The following NCALD variants were observed in gnomAD, a reference collection of about 807,000 sequenced individuals.
The protein encoded by NCALD is neurocalcin delta.
Under a neutral mutation model 18.6 loss-of-function variants are expected in NCALD, and 10 were observed. The observed-to-expected ratio is 0.54, with a 90% CI of 0.33 to 0.91. NCALD has a LOEUF of 0.91. Ranked by LOEUF, NCALD falls within the 40% of genes least tolerant of loss-of-function variation. The probability of loss-of-function intolerance (pLI) is 0.03; values close to 1 mark genes in which losing one functional copy is unlikely to be tolerated. For synonymous variants in NCALD, 88 were observed against 87.4 expected, an observed-to-expected ratio of 1.01 and a Z score of -0.04; for missense variants, 184 against 247.6, an observed-to-expected ratio of 0.74 and a Z score of 1.72.
At position 101,998,437 on chromosome 8, in the gene NCALD, C is replaced by A. The variant is rs181710424; in HGVS notation, c.-157+21800G>T. On this transcript the variant is annotated intron_variant, in intron 2 of 6. Coordinates refer to the NCALD transcript ENST00000311028. ...CCCAAAGTTATCTACACTGCCATGACCCCTGGCTTCTGTTAGGTTTGATGA... is the reference window on the plus strand; with the variant it reads ...CCCAAAGTTATCTACACTGCCATGAACCCTGGCTTCTGTTAGGTTTGATGA... 2.3e-3 allele frequency among the ~76,000 whole-genome samples: 346 copies of A among 152,234 alleles called. 2 individuals carry two copies. The highest frequency in any genetic ancestry group is 7.8e-3 in the African/African-American group (326 of 41,532).
chr8:102,000,246 G>A (rs61649336), intron 2 of NCALD, among the ~76,000 whole-genome samples: 4 of 152,352 alleles, frequency 2.6e-5, no homozygotes, highest in African/African-American at 9.6e-5. Flanking sequence ...CTGGCTCAGA[G>A]GGTCCTACAC....
In NCALD at chr8:101,741,151, C is replaced by G. The variant is rs149725366; in HGVS notation, c.-19-21503G>C. On this transcript the variant is annotated intron_variant, in intron 1 of 3. Coordinates refer to ENST00000220931, the MANE Select transcript of NCALD (RefSeq NM_032041.3). The stretch of plus-strand genomic sequence containing the variant: ...GGCCAGGCCAAGGAGAGGAGGCACC[C>G]GGAATTCTGCATCCTGTATCCCTGT... Among the ~76,000 whole-genome samples, 856 of 152,298 alleles carry G rather than the reference C, an allele frequency of 5.6e-3. 12 individuals are homozygous for G. Among genetic ancestry groups the G allele is most frequent in the African/African-American group, 0.018 (751 of 41,578 alleles).
chr8:101,704,948 G>A (rs941200289), intron 2 of NCALD, among the ~76,000 whole-genome samples: 4 of 151,414 alleles, frequency 2.6e-5, no homozygotes, highest in Admixed American at 6.6e-5. Flanking sequence ...AAAATAGGCC[G>A]GGCGCGGTGG....
intron 2 of NCALD, among the ~76,000 whole-genome samples, chr8:101,930,114 GTAT>G (rs1354453741): frequency 6.6e-6 from 1 of 151,910 alleles, no homozygotes; most frequent in African/African-American, 2.4e-5. Context: ...ACAAATATGA[GTAT>G]TTTTTAAAAT....
chr8:102,116,175 T>G (rs1454116903), intron 1 of NCALD, among the ~76,000 whole-genome samples: 1 of 152,062 alleles, frequency 6.6e-6, no homozygotes, highest in Non-Finnish European at 1.5e-5. Flanking sequence ...AGTTAATGGG[T>G]GCAGCACAGC....
At chr8:101,713,665 A>G (rs1289499039) in intron 2 of NCALD, among the ~76,000 whole-genome samples, 1 of 152,192 alleles carries the variant, frequency 6.6e-6, no homozygotes, top group Non-Finnish European at 1.5e-5. Flanking sequence ...CTACACAAAT[A>G]AACTAAAAAA....
intron 2 of NCALD, among the ~76,000 whole-genome samples, chr8:101,991,346 A>C (rs1189106899): frequency 6.6e-6 from 1 of 152,194 alleles, no homozygotes; most frequent in Non-Finnish European, 1.5e-5. Context: ...CCCTTAGAGC[A>C]GCAAGCAGGA....
chr8:102,022,229 G>A (rs929543774), intron 1 of NCALD, among the ~76,000 whole-genome samples: 1 of 152,092 alleles, frequency 6.6e-6, no homozygotes, highest in African/African-American at 2.4e-5. Flanking sequence ...GGGGGAGGGT[G>A]GGTCTGAAAG....
At chr8:101,690,354 G>C (rs1234403098) in intron 3 of NCALD, 1 of 982,574 alleles carries the variant, frequency 1.0e-6, no homozygotes, top group East Asian at 1.1e-4. Context: ...TCTCCGCCCA[G>C]CTTTGCCCTC....
chr8:102,070,312 G>T (rs1295156379), intron 1 of NCALD, among the ~76,000 whole-genome samples: 1 of 152,134 alleles, frequency 6.6e-6, no homozygotes, highest in Middle Eastern at 3.4e-3. Flanking sequence ...CATATATAAA[G>T]TATTTGAAAA....
intron 4 of NCALD, among the ~76,000 whole-genome samples, chr8:101,840,535 T>C (rs1467081183): frequency 6.6e-6 from 1 of 152,212 alleles, no homozygotes; most frequent in Non-Finnish European, 1.5e-5. Flanking sequence ...TCAAACATGA[T>C]GAAACTGTTA....
intron 2 of NCALD, among the ~76,000 whole-genome samples, chr8:102,002,541 G>C (rs1465337451): frequency 7.9e-5 from 12 of 152,196 alleles, no homozygotes; most frequent in East Asian, 1.9e-4. Flanking sequence ...TAGACATCTA[G>C]AGAACTCTCC....
intron 2 of NCALD, among the ~76,000 whole-genome samples, chr8:101,965,156 A>C (rs1004539096): frequency 2.0e-5 from 3 of 152,356 alleles, no homozygotes; most frequent in Admixed American, 1.3e-4. Flanking sequence ...ACACTTTTAC[A>C]GTGTTGGTGG....
intron 2 of NCALD, among the ~76,000 whole-genome samples, chr8:101,989,626 G>T (rs546900718): frequency 1.3e-5 from 2 of 152,324 alleles, no homozygotes; most frequent in East Asian, 3.9e-4. Context: ...AAAGGAGACA[G>T]GAAATATCAT....
At chr8:101,833,553 C>T (rs1323486357) in intron 4 of NCALD, among the ~76,000 whole-genome samples, 2 of 148,630 alleles carry the variant, frequency 1.3e-5, no homozygotes, top group Non-Finnish European at 3.0e-5. Context: ...TGTCTACAGA[C>T]TTCTTTACCT....
chr8:102,006,256 A>C (rs1462907002), intron 2 of NCALD, among the ~76,000 whole-genome samples: 1 of 152,160 alleles, frequency 6.6e-6, no homozygotes, highest in Non-Finnish European at 1.5e-5. Flanking sequence ...AATTTGCAAC[A>C]AGTTGACAAG....
chr8:101,946,348 A>G (rs1027214854), intron 2 of NCALD, among the ~76,000 whole-genome samples: 1 of 152,192 alleles, frequency 6.6e-6, no homozygotes, highest in Admixed American at 6.5e-5. Flanking sequence ...GGAATTTACA[A>G]TGTAGCCAGA....
chr8:101,715,557 T>C (rs1220274703), intron 2 of NCALD, among the ~76,000 whole-genome samples: 1 of 152,148 alleles, frequency 6.6e-6, no homozygotes, highest in African/African-American at 2.4e-5. Context: ...AGAAAAATTT[T>C]GCAATCTATC....
At chr8:101,986,716 AT>A (rs1272779656) in intron 2 of NCALD, 1 of 152,234 alleles carries the variant, frequency 6.6e-6, no homozygotes. Flanking sequence ...CCAACTCAGT[AT>A]CTTTAATAGC....
Sources: allele counts gnomAD v4.1 joint callset (sites outside exome capture counted in the v4.1 genomes callset), GRCh38; gene constraint gnomAD v4.1.1; transcripts MANE v1.5; gene names NCBI Gene and HGNC (gene_info 2026-07-23, HGNC 2026-07-21).